The following LSAMP variants were observed in gnomAD, a reference collection of about 807,000 sequenced individuals.
LSAMP encodes limbic system-associated membrane protein.
A neutral mutation model predicts 38.6 loss-of-function variants in LSAMP; 7 were observed. The ratio of observed to expected loss-of-function variants is 0.18; its 90% CI spans 0.10 to 0.34. The LOEUF (loss-of-function observed/expected upper bound fraction) is 0.34, where lower values mean the gene tolerates loss of function less well. LSAMP is among the 10% of genes least tolerant of loss of function. The probability of loss-of-function intolerance (pLI) is 1.00; values close to 1 mark genes in which losing one functional copy is unlikely to be tolerated. For synonymous variants in LSAMP, 154 were observed against 166.8 expected (o/e 0.92, Z 0.59); for missense variants, 313 against 420.0 (o/e 0.75, Z 2.23).
intron 1 of LSAMP, among the ~76,000 whole-genome samples, chr3:116,389,736 T>C (rs1043541043): frequency 6.6e-6 from 1 of 152,174 alleles, no homozygotes; most frequent in Non-Finnish European, 1.5e-5. Context: ...GAACATGATG[T>C]TCATTTATCT....
At chr3:116,311,618 C>T (rs1386447016) in intron 1 of LSAMP, among the ~76,000 whole-genome samples, 1 of 152,120 alleles carries the variant, frequency 6.6e-6, no homozygotes, top group African/African-American at 2.4e-5. Context: ...AACCGGACAA[C>T]CAGACACATC....
intron 1 of LSAMP, among the ~76,000 whole-genome samples, chr3:116,179,785 A>G (rs1296879855): frequency 6.6e-6 from 1 of 152,164 alleles, no homozygotes; most frequent in African/African-American, 2.4e-5. Flanking sequence ...TTTGACATGA[A>G]ATTTGGGCAA....
intron 3 of LSAMP, among the ~76,000 whole-genome samples, chr3:115,966,321 C>G (rs1223671751): frequency 6.6e-6 from 1 of 152,188 alleles, no homozygotes; most frequent in Non-Finnish European, 1.5e-5. Flanking sequence ...GAGTGCCTTA[C>G]CATCTCTGGA....
chr3:116,090,633 C>T (rs1002679477), intron 1 of LSAMP, among the ~76,000 whole-genome samples: 10 of 152,130 alleles, frequency 6.6e-5, no homozygotes, highest in African/African-American at 2.2e-4. Flanking sequence ...TTTTCCTAAG[C>T]GTCGGCTGGC....
chr3:116,181,424 G>C (rs1710482364), intron 1 of LSAMP, among the ~76,000 whole-genome samples: 1 of 151,968 alleles, frequency 6.6e-6, no homozygotes, highest in African/African-American at 2.4e-5. Flanking sequence ...CAAGATTGAT[G>C]ATGAAGTTTT....
In LSAMP at chr3:115,808,702, C is replaced by T. The variant is rs1228037839; in HGVS notation, c.*1615G>A. 4 of 152,162 alleles carry T rather than the reference C, an allele frequency of 2.6e-5. No individual in the cohort carries two copies. Among genetic ancestry groups the T allele is most frequent in the African/African-American group, 9.7e-5 (4 of 41,436 alleles). 9.4% of individuals were successfully genotyped at this position (152,162 alleles called of 1,614,324 possible). A position where few individuals can be genotyped will look rare whatever the true frequency, so the allele number is the denominator to read the frequency against. On this transcript the variant is annotated 3_prime_UTR_variant, in exon 7 of 7. Transcript: ENST00000490035. ...TGAACAGTGGTGCTGCAAACACCAT[C>T]AGTGAAACAGAACAGGGATTATGCA...
chr3:115,895,693 C>T (rs557506567), intron 3 of LSAMP, among the ~76,000 whole-genome samples: 1 of 152,106 alleles, frequency 6.6e-6, no homozygotes, highest in Admixed American at 6.6e-5. Flanking sequence ...TTGTGATTTC[C>T]TTTCATTGTA....
At chr3:116,131,140 T>G (rs951619173) in intron 1 of LSAMP, among the ~76,000 whole-genome samples, 6 of 151,886 alleles carry the variant, frequency 4.0e-5, no homozygotes, top group East Asian at 1.9e-4. Flanking sequence ...ACAGGCGCCC[T>G]CCACCTCGCC....
chr3:116,309,503 C>T (rs1218477967), intron 1 of LSAMP, among the ~76,000 whole-genome samples: 1 of 152,092 alleles, frequency 6.6e-6, no homozygotes, highest in African/African-American at 2.4e-5. Context: ...CTACATTTGG[C>T]TAGTGGCTAC....
At chr3:116,278,881 G>C (rs939503544) in intron 1 of LSAMP, among the ~76,000 whole-genome samples, 1 of 152,160 alleles carries the variant, frequency 6.6e-6, no homozygotes, top group Non-Finnish European at 1.5e-5. Context: ...TCTCAAAGAA[G>C]ATGGATAGCT....
chr3:116,427,437 A>G lies in LSAMP; in HGVS notation c.155+17440T>C, dbSNP rs935880702. 5.3e-5 allele frequency among the ~76,000 whole-genome samples: 8 copies of G among 152,310 alleles called. No individual in the cohort carries two copies. In the East Asian group the frequency reaches 1.5e-3, roughly 29 times the overall value. On this transcript the variant is annotated intron_variant, in intron 1 of 6. Transcript: ENST00000490035. ...GCCCGGCCCAAGACTCAGCTCTTTCATTAAACATGTCCATAGAAACACATC... is the reference window on the plus strand; with the variant it reads ...GCCCGGCCCAAGACTCAGCTCTTTCGTTAAACATGTCCATAGAAACACATC...
intron 3 of LSAMP, among the ~76,000 whole-genome samples, chr3:115,910,336 T>C (rs1559877170): frequency 2.0e-5 from 3 of 152,226 alleles, no homozygotes; most frequent in African/African-American, 4.8e-5. Flanking sequence ...ATTTCTTTGA[T>C]GTTTTATATT....
At chr3:116,028,951 T>A (rs1173082644) in intron 2 of LSAMP, among the ~76,000 whole-genome samples, 1 of 152,084 alleles carries the variant, frequency 6.6e-6, no homozygotes, top group Admixed American at 6.6e-5. Flanking sequence ...ACACTTTATA[T>A]CTCCAATAAA....
intron 1 of LSAMP, among the ~76,000 whole-genome samples, chr3:116,347,764 C>A (rs140700304): frequency 6.6e-6 from 1 of 152,076 alleles, no homozygotes; most frequent in African/African-American, 2.4e-5. Context: ...TTCAGCTCAT[C>A]TTTTGCTTTT....
intron 1 of LSAMP, among the ~76,000 whole-genome samples, chr3:116,347,973 A>G (rs2048086234): frequency 6.6e-6 from 1 of 151,964 alleles, no homozygotes; most frequent in Admixed American, 6.6e-5. Context: ...TCAATGTGGG[A>G]AAAATAAAAA....
intron 1 of LSAMP, among the ~76,000 whole-genome samples, chr3:116,130,320 TACAAAG>T (rs1368854787): frequency 6.6e-6 from 1 of 152,190 alleles, no homozygotes; most frequent in African/African-American, 2.4e-5. Flanking sequence ...TAATTTAGTA[TACAAAG>T]ACAAAGATTA....
At chr3:116,119,820 C>T (rs984586089) in intron 1 of LSAMP, among the ~76,000 whole-genome samples, 1 of 151,806 alleles carries the variant, frequency 6.6e-6, no homozygotes, top group Non-Finnish European at 1.5e-5. Context: ...GCCACCACAC[C>T]CAGCTAATTT....
intron 6 of LSAMP, among the ~76,000 whole-genome samples, chr3:115,826,895 T>C (rs763728568): frequency 9.6e-4 from 145 of 150,264 alleles, no homozygotes; most frequent in Admixed American, 2.7e-3. Context: ...ATTTACGAGT[T>C]AGAATGGGAA....
intron 1 of LSAMP, among the ~76,000 whole-genome samples, chr3:116,240,477 C>A (rs1420265907): frequency 6.6e-6 from 1 of 152,158 alleles, no homozygotes; most frequent in African/African-American, 2.4e-5. Flanking sequence ...GTCTGCCAAG[C>A]AAACAAAAAC....
Sources: allele counts gnomAD v4.1 joint callset (sites outside exome capture counted in the v4.1 genomes callset), GRCh38; gene constraint gnomAD v4.1.1; transcripts MANE v1.5; gene names NCBI Gene and HGNC (gene_info 2026-07-23, HGNC 2026-07-21).